Variants in ARB2A observed in about 807,000 individuals in gnomAD.
The protein encoded by ARB2A is ARB2 cotranscriptional regulator A.
the ARB2A span, among the ~76,000 whole-genome samples, chr5:94,078,378 GATTT>G: frequency 6.6e-6 from 1 of 152,124 alleles, no homozygotes; most frequent in African/African-American, 2.4e-5. Context: ...TGGCACAAGG[GATTT>G]ATAAGGAACC....
chr5:93,974,645 A>G, the ARB2A span, among the ~76,000 whole-genome samples: 2 of 152,174 alleles, frequency 1.3e-5, no homozygotes, highest in Non-Finnish European at 2.9e-5. Flanking sequence ...AACAAAATAT[A>G]TATTATTCTC....
the ARB2A span, among the ~76,000 whole-genome samples, chr5:93,947,461 G>A: frequency 6.6e-6 from 1 of 151,404 alleles, no homozygotes; most frequent in South Asian, 2.1e-4. Flanking sequence ...GTCTCACTCT[G>A]TCACCCAGGT....
At chr5:93,843,978 A>G in the ARB2A span, among the ~76,000 whole-genome samples, 1 of 152,076 alleles carries the variant, frequency 6.6e-6, no homozygotes, top group Non-Finnish European at 1.5e-5. Flanking sequence ...TATGTATAGA[A>G]AGGTACATCA....
chr5:93,912,657 T>C, the ARB2A span, among the ~76,000 whole-genome samples: 2 of 151,856 alleles, frequency 1.3e-5, no homozygotes, highest in Non-Finnish European at 2.9e-5. Context: ...ATCCTAAATA[T>C]TTTCTAAGAA....
chr5:93,976,008 C>T, the ARB2A span, among the ~76,000 whole-genome samples: 9 of 152,068 alleles, frequency 5.9e-5, no homozygotes, highest in African/African-American at 1.7e-4. Context: ...ATTAGCAAAT[C>T]GAATCCAGCA....
At chr5:93,960,623 C>G in the ARB2A span, among the ~76,000 whole-genome samples, 14 of 152,218 alleles carry the variant, frequency 9.2e-5, no homozygotes, top group African/African-American at 3.4e-4. Flanking sequence ...CTTATCAAGC[C>G]TCACCAGTGA....
chr5:93,885,841 A>T, the ARB2A span, among the ~76,000 whole-genome samples: 1 of 151,760 alleles, frequency 6.6e-6, no homozygotes, highest in South Asian at 2.1e-4. Context: ...TGATTTAAAT[A>T]GAATACACAG....
the ARB2A span, among the ~76,000 whole-genome samples, chr5:93,916,093 T>C: frequency 1.1e-4 from 16 of 152,120 alleles, no homozygotes; most frequent in African/African-American, 3.1e-4. Flanking sequence ...TTCATCAGTC[T>C]TCACTATAGG....
chr5:93,766,272 G>A, the ARB2A span, among the ~76,000 whole-genome samples: 2 of 151,926 alleles, frequency 1.3e-5, no homozygotes, highest in African/African-American at 4.8e-5. Flanking sequence ...TGGAAGAAAA[G>A]TTTTGCAATC....
the ARB2A span, among the ~76,000 whole-genome samples, chr5:93,886,393 T>C: frequency 6.6e-6 from 1 of 151,706 alleles, no homozygotes; most frequent in Non-Finnish European, 1.5e-5. Flanking sequence ...AATTTATCAA[T>C]CATATTTCTC....
the ARB2A span, among the ~76,000 whole-genome samples, chr5:93,701,633 T>A: frequency 6.6e-6 from 1 of 151,986 alleles, no homozygotes; most frequent in South Asian, 2.1e-4. Context: ...GAAATCAATA[T>A]AGGTGCGATC....
At chr5:93,752,690 T>G in the ARB2A span, among the ~76,000 whole-genome samples, 5 of 152,172 alleles carry the variant, frequency 3.3e-5, no homozygotes, top group African/African-American at 1.2e-4. Flanking sequence ...GGCAAATGAT[T>G]ATATATACTA....
At chr5:93,874,147 A>G in the ARB2A span, among the ~76,000 whole-genome samples, 1 of 152,070 alleles carries the variant, frequency 6.6e-6, no homozygotes, top group Non-Finnish European at 1.5e-5. Flanking sequence ...TGTAGCACTG[A>G]GGTATTATTT....
chr5:93,631,317 C>T, the ARB2A span, among the ~76,000 whole-genome samples: 1 of 152,124 alleles, frequency 6.6e-6, no homozygotes, highest in South Asian at 2.1e-4. Flanking sequence ...CTTCGATTGC[C>T]TATAAAATAT....
the ARB2A span, among the ~76,000 whole-genome samples, chr5:93,784,039 T>C: frequency 6.6e-6 from 1 of 152,094 alleles, no homozygotes; most frequent in African/African-American, 2.4e-5. Context: ...TGTAACTAAA[T>C]AGCACCAATG....
chr5:94,048,209 C>A, the ARB2A span, among the ~76,000 whole-genome samples: 1 of 152,018 alleles, frequency 6.6e-6, no homozygotes, highest in African/African-American at 2.4e-5. Context: ...GGCGCAACAC[C>A]ACACCTGGCT....
the ARB2A span, among the ~76,000 whole-genome samples, chr5:93,952,066 A>G: frequency 1.3e-5 from 2 of 152,318 alleles, no homozygotes; most frequent in Middle Eastern, 3.4e-3. Context: ...CCCTGGATAT[A>G]GGTAAGACCC....
the ARB2A span, among the ~76,000 whole-genome samples, chr5:93,853,029 T>C: frequency 6.6e-6 from 1 of 152,316 alleles, no homozygotes; most frequent in African/African-American, 2.4e-5. Flanking sequence ...TGGCATTGGA[T>C]CTATAAATTA....
chr5:94,061,836 C>G, the ARB2A span, among the ~76,000 whole-genome samples: 2 of 152,076 alleles, frequency 1.3e-5, no homozygotes, highest in African/African-American at 4.8e-5. Context: ...TTAGAAGACT[C>G]AATATTATAG....
Sources: gnomAD v4.1 joint callset for allele counts (sites outside exome capture counted in the v4.1 genomes callset) on GRCh38, gnomAD v4.1.1 for gene constraint, MANE v1.5 for transcripts, NCBI Gene and HGNC (gene_info 2026-07-23, HGNC 2026-07-21) for gene names.